Variants in STRAP observed in about 807,000 individuals in gnomAD.
STRAP encodes the protein serine/threonine kinase receptor associated protein.
In STRAP, 16 loss-of-function variants were observed where a neutral mutation model predicts 47.0. The observed-to-expected ratio is 0.34, with a 90% CI of 0.23 to 0.52. The LOEUF (loss-of-function observed/expected upper bound fraction) is 0.52. STRAP is among the 20% of genes least tolerant of loss of function. The pLI is 0.96. For missense variants in STRAP, 293 were observed against 420.0 expected, an observed-to-expected ratio of 0.70 and a Z score of 2.64; for synonymous variants, 130 against 142.7, an observed-to-expected ratio of 0.91 and a Z score of 0.63.
intron 1 of STRAP, 65 bp from the exon 2 acceptor site, chr12:15,883,476 A>T (rs935106689): frequency 1.8e-5 from 28 of 1,520,808 alleles, no homozygotes; most frequent in Admixed American, 4.0e-5. Flanking sequence ...GTATATTTAC[A>T]TTTGAATCTT....
chr12:15,903,139 TA>T lies in STRAP; in HGVS notation c.*162del. 1.5e-6 allele frequency: 1 copy of T among 680,720 alleles called. No homozygotes were observed. The highest frequency in any genetic ancestry group is 2.2e-6 in the Non-Finnish European group (1 of 458,920). The allele number at this position is 680,720 out of a possible 1,614,324, so 42.2% of individuals were successfully genotyped here. The stretch of plus-strand genomic sequence containing the variant: ...CTGGAACAACTAACTAACTTGGTGT[TA>T]CCTGTAAGTGAAAACTCAAGTGTCA... On this transcript the variant is annotated 3_prime_UTR_variant, in exon 10 of 10. Coordinates refer to ENST00000419869, the MANE Select transcript of STRAP (RefSeq NM_007178.4).
intron 4 of STRAP, among the ~76,000 whole-genome samples, chr12:15,891,064 A>G (rs918404806): frequency 2.0e-5 from 3 of 152,286 alleles, no homozygotes; most frequent in Non-Finnish European, 1.5e-5. Flanking sequence ...CAGTTTCAAA[A>G]AAAAAAAAAT....
At position 15,890,780 on chromosome 12, in the gene STRAP, C is replaced by G. The variant is rs1948008567; in HGVS notation, c.403+111C>G. 1.1e-6 allele frequency: 1 copy of G among 911,552 alleles called. No homozygotes were observed. Among genetic ancestry groups the G allele is most frequent in the Non-Finnish European group, 1.7e-6 (1 of 602,936 alleles). 56.5% of individuals were successfully genotyped at this position (911,552 alleles called of 1,614,324 possible). A position where few individuals can be genotyped will look rare whatever the true frequency, so the allele number is the denominator to read the frequency against. Reference sequence around the variant, plus strand: ...ATTTGGAAAATAAAGATAGTCATGGCCGGGCACGGTGGCTCATACCTGTAA... The same window carrying G: ...ATTTGGAAAATAAAGATAGTCATGGGCGGGCACGGTGGCTCATACCTGTAA... On this transcript the variant is annotated intron_variant, in intron 4 of 9. Transcript: ENST00000419869. The surrounding 1 kb of genome is among the most constrained non-coding windows in gnomAD (Gnocchi z 4.5).
chr12:15,901,794 G>C (rs1948104982), intron 9 of STRAP, among the ~76,000 whole-genome samples: 1 of 147,902 alleles, frequency 6.8e-6, no homozygotes. Context: ...CCAGGAGGTA[G>C]AGGTTGCAGC....
At position 15,887,947 on chromosome 12, in the gene STRAP, G is replaced by A. The variant is rs1196620999; in HGVS notation, c.249-1981G>A. Among the ~76,000 whole-genome samples, 3 of 152,294 alleles carry A rather than the reference G, an allele frequency of 2.0e-5. No individual in the cohort carries two copies. The highest frequency in any genetic ancestry group is 2.0e-4 in the Admixed American group (3 of 15,306). ...TGGAGACTTGTGAATAATTAGAATA[G>A]TAATTTTAGATACATTTGTTGTTTT... On this transcript the variant is annotated intron_variant, in intron 2 of 9. Coordinates refer to ENST00000419869, the MANE Select transcript of STRAP (RefSeq NM_007178.4). This position sits in a 1 kb window ranked among gnomAD's most constrained non-coding sequence, Gnocchi z 5.5.
chr12:15,889,910 T>G lies in STRAP; in HGVS notation c.249-18T>G. The G allele has an allele frequency of 6.2e-7, 1 of 1,608,786 alleles. No individual in the cohort carries two copies. The highest frequency in any genetic ancestry group is 8.5e-7 in the Non-Finnish European group (1 of 1,175,724). Reference sequence around the variant, plus strand: ...TGGGTAATATTTATCCTACTAATTTTCTCTTTTTTACTTTTAGCAAAGTGT... The same window carrying G: ...TGGGTAATATTTATCCTACTAATTTGCTCTTTTTTACTTTTAGCAAAGTGT... On this transcript the variant is annotated intron_variant, in intron 2 of 9. Coordinates refer to ENST00000419869, the MANE Select transcript of STRAP (RefSeq NM_007178.4).
intron 4 of STRAP, among the ~76,000 whole-genome samples, chr12:15,891,661 G>T (rs1948015725): frequency 6.6e-6 from 1 of 152,224 alleles, no homozygotes; most frequent in South Asian, 2.1e-4. Flanking sequence ...GTTGGAAGGT[G>T]GCCGGGCGCA....
At chr12:15,898,530 A>T (rs1191596517) in intron 7 of STRAP, among the ~76,000 whole-genome samples, 1 of 152,026 alleles carries the variant, frequency 6.6e-6, no homozygotes, top group Non-Finnish European at 1.5e-5. Flanking sequence ...TTGGATAGTT[A>T]TTTTTATCAG....
chr12:15,898,483 G>A (rs1438918942), intron 7 of STRAP, among the ~76,000 whole-genome samples: 4 of 152,122 alleles, frequency 2.6e-5, no homozygotes, highest in African/African-American at 9.7e-5. Context: ...GGAAAAATCA[G>A]TATAGCATAT....
rs1479791680 is a variant in STRAP at position 15,887,655 on chromosome 12, A to T, written c.249-2273A>T. Among the ~76,000 whole-genome samples the T allele has an allele frequency of 6.6e-6, 1 of 152,178 alleles. No homozygotes were observed. Among genetic ancestry groups the T allele is most frequent in the African/African-American group, 2.4e-5 (1 of 41,460 alleles). ...CATTACCTCTCTGGTTAATATTACT[A>T]CTTTGGTCACTCCAACTCTCTTCTC... is the stretch of plus-strand genomic sequence containing the variant. On this transcript the variant is annotated intron_variant, in intron 2 of 9. Transcript: ENST00000419869. The surrounding 1 kb of genome is among the most constrained non-coding windows in gnomAD (Gnocchi z 5.5).
At chr12:15,900,085 T>G in intron 8 of STRAP, 32 bp downstream of exon 8, 1 of 1,575,732 alleles carries the variant, frequency 6.3e-7, no homozygotes, top group Non-Finnish European at 8.6e-7. Context: ...AATAAAATTT[T>G]TAAAATGCAT....
At chr12:15,889,784 TAG>T (rs1947999856) in intron 2 of STRAP, 142 bp from the exon 3 acceptor site, 1 of 593,304 alleles carries the variant, frequency 1.7e-6, no homozygotes, top group Non-Finnish European at 2.9e-6. Context: ...TGAGGGATAT[TAG>T]AGATAAAGGA....
intron 1 of STRAP, 52 bp downstream of exon 1, chr12:15,882,871 G>T (rs541075749): frequency 6.4e-7 from 1 of 1,555,846 alleles, no homozygotes; most frequent in East Asian, 2.3e-5. Context: ...GGCTGAAAGG[G>T]ATCGGGACCC....
intron 2 of STRAP, among the ~76,000 whole-genome samples, chr12:15,886,153 G>A (rs1299958609): frequency 1.3e-5 from 2 of 151,810 alleles, no homozygotes; most frequent in South Asian, 2.1e-4. Flanking sequence ...GCTTGCATTC[G>A]TGTGCTAACT....
intron 6 of STRAP, among the ~76,000 whole-genome samples, chr12:15,897,573 C>G (rs975722733): frequency 6.6e-6 from 1 of 152,044 alleles, no homozygotes; most frequent in Non-Finnish European, 1.5e-5. Context: ...GAGCAAAAAT[C>G]CCAGTGTATT....
In STRAP at chr12:15,882,479, C is replaced by T. The variant is rs1455897301; in HGVS notation, c.-229C>T. ...CCCCATCCCCTACTTTCCTCCCTCC[C>T]TCCCTTTCCCTCCCTCGTCGACTGT... On this transcript the variant is annotated 5_prime_UTR_variant, in exon 1 of 10. Coordinates refer to ENST00000419869, the MANE Select transcript of STRAP (RefSeq NM_007178.4). 3 of 547,812 alleles carry T rather than the reference C, an allele frequency of 5.5e-6. No individual in the cohort carries two copies. Among genetic ancestry groups the T allele is most frequent in the Admixed American group, 3.2e-5 (1 of 30,998 alleles). 33.9% of individuals were successfully genotyped at this position (547,812 alleles called of 1,614,324 possible).
At chr12:15,885,488 C>CTTT (rs5796649) in intron 2 of STRAP, among the ~76,000 whole-genome samples, 11 of 132,456 alleles carry the variant, frequency 8.3e-5, no homozygotes, top group East Asian at 4.3e-4. Context: ...CGTGCCTGGC[C>CTTT]TTTTTTTTTT....
chr12:15,900,401 A>G (rs1018866743), intron 8 of STRAP, among the ~76,000 whole-genome samples: 1 of 151,962 alleles, frequency 6.6e-6, no homozygotes, highest in Non-Finnish European at 1.5e-5. Context: ...GTGGTGGTAC[A>G]TGCCTGTAAT....
At chr12:15,901,108 A>G in intron 9 of STRAP, 96 bp downstream of exon 9, 1 of 825,606 alleles carries the variant, frequency 1.2e-6, no homozygotes, top group Non-Finnish European at 1.8e-6. Flanking sequence ...AATTTATTAA[A>G]TATGAACATA....
Sources: gnomAD v4.1 joint callset for allele counts (sites outside exome capture counted in the v4.1 genomes callset) on GRCh38, gnomAD v4.1.1 for gene constraint, Gnocchi (gnomAD v3.1) non-coding constraint, MANE v1.5 for transcripts, NCBI Gene and HGNC (gene_info 2026-07-23, HGNC 2026-07-21) for gene names.